Variants in LIMS1 observed in about 807,000 individuals in gnomAD.
LIMS1 encodes the protein LIM and senescent cell antigen-like-containing domain protein 1.
Under a neutral mutation model 44.1 loss-of-function variants are expected in LIMS1, and 18 were observed. The observed-to-expected ratio is 0.41, with a 90% CI of 0.28 to 0.61. LIMS1 has a LOEUF of 0.61. Among genes scored for constraint, LIMS1 ranks in the 20% least tolerant of loss-of-function variants. The pLI is 0.32. For synonymous variants in LIMS1, 93 were observed against 149.1 expected (o/e 0.62, Z 2.74); for missense variants, 201 against 422.0 (o/e 0.48, Z 4.59).
intron 1 of LIMS1, among the ~76,000 whole-genome samples, chr2:108,537,988 C>T (rs991798641): frequency 6.6e-6 from 1 of 152,156 alleles, no homozygotes; most frequent in African/African-American, 2.4e-5. Context: ...AAATAAACCT[C>T]AGTATAGGTC....
intron 1 of LIMS1, among the ~76,000 whole-genome samples, chr2:108,551,628 GTATATATA>G (rs911622618): frequency 7.1e-6 from 1 of 140,822 alleles, no homozygotes; most frequent in Non-Finnish European, 1.5e-5. Flanking sequence ...GTATATATGT[GTATATATA>G]TGTATATATG....
intron 3 of LIMS1, among the ~76,000 whole-genome samples, chr2:108,671,945 C>T (rs1692188128): frequency 6.6e-6 from 1 of 152,080 alleles, no homozygotes; most frequent in South Asian, 2.1e-4. Flanking sequence ...TTTGGGAGGC[C>T]AAGACGGGCG....
chr2:108,563,817 G>T (rs1685203024), intron 1 of LIMS1, among the ~76,000 whole-genome samples: 1 of 152,116 alleles, frequency 6.6e-6, no homozygotes, highest in Non-Finnish European at 1.5e-5. Flanking sequence ...CCAGCACTTT[G>T]GGAGGCCAAG....
At chr2:108,641,379 A>G (rs528237544) in intron 1 of LIMS1, among the ~76,000 whole-genome samples, 1 of 152,312 alleles carries the variant, frequency 6.6e-6, no homozygotes, top group East Asian at 1.9e-4. Flanking sequence ...CTTGAAGACA[A>G]TTAGATGCAA....
intron 1 of LIMS1, among the ~76,000 whole-genome samples, chr2:108,577,036 G>T (rs1472162993): frequency 6.6e-6 from 1 of 152,156 alleles, no homozygotes; most frequent in Non-Finnish European, 1.5e-5. Context: ...CCTTGAAAAT[G>T]GGTTTTAAAC....
chr2:108,554,471 A>T (rs1016762447), intron 1 of LIMS1, among the ~76,000 whole-genome samples: 1 of 152,178 alleles, frequency 6.6e-6, no homozygotes, highest in Admixed American at 6.5e-5. Context: ...TATCTTCCTT[A>T]TTCTTGGGGT....
At chr2:108,624,280 T>G (rs1688433274) in intron 1 of LIMS1, among the ~76,000 whole-genome samples, 1 of 152,260 alleles carries the variant, frequency 6.6e-6, no homozygotes, top group Non-Finnish European at 1.5e-5. Flanking sequence ...TTAAATTATG[T>G]TGCATTCAAA....
chr2:108,603,933 T>C (rs1687143733), intron 1 of LIMS1, among the ~76,000 whole-genome samples: 1 of 152,218 alleles, frequency 6.6e-6, no homozygotes, highest in Admixed American at 6.5e-5. Context: ...AGGTTATTTA[T>C]TTGAAGGGTT....
intron 1 of LIMS1, among the ~76,000 whole-genome samples, chr2:108,586,214 A>C (rs1686095800): frequency 6.6e-6 from 1 of 152,148 alleles, no homozygotes; most frequent in Non-Finnish European, 1.5e-5. Context: ...AAAACAAAAA[A>C]ACAAACAAAA....
At chr2:108,591,416 G>A (rs1260321915) in intron 1 of LIMS1, among the ~76,000 whole-genome samples, 1 of 152,026 alleles carries the variant, frequency 6.6e-6, no homozygotes, top group Non-Finnish European at 1.5e-5. Context: ...CAGTAGTTCC[G>A]CAAGTTCCCA....
At position 108,676,602 on chromosome 2, in the gene LIMS1, T is replaced by C; in HGVS notation, c.682-4T>C. The C allele has an allele frequency of 1.3e-6, 2 of 1,562,870 alleles. No individual in the cohort carries two copies. The highest frequency in any genetic ancestry group is 4.9e-5 in the East Asian group (2 of 40,830). ...AAAAATGACCTATAGCAATTTTTTT[T>C]CAGCATTTTGTTTGTGCCAAGTGTG... is the stretch of plus-strand genomic sequence containing the variant. On this transcript the variant is annotated splice_polypyrimidine_tract_variant and splice_region_variant and intron_variant, in intron 6 of 9. Transcript: ENST00000544547.
At chr2:108,665,916 G>A (rs1691724408) in intron 2 of LIMS1, among the ~76,000 whole-genome samples, 2 of 152,228 alleles carry the variant, frequency 1.3e-5, no homozygotes, top group Admixed American at 6.5e-5. Flanking sequence ...GGAGAGCAAA[G>A]CAAAGAACAT....
intron 1 of LIMS1, among the ~76,000 whole-genome samples, chr2:108,635,429 T>TAA (rs70956264): frequency 0.043 from 3,748 of 86,548 alleles, 246 homozygotes; most frequent in African/African-American, 0.13. Flanking sequence ...ACTTCATCTC[T>TAA]AAAAAAAAAA....
At chr2:108,561,729 C>T (rs1248832033) in intron 1 of LIMS1, among the ~76,000 whole-genome samples, 2 of 148,964 alleles carry the variant, frequency 1.3e-5, no homozygotes, top group East Asian at 4.1e-4. Flanking sequence ...TCTCTGTGAT[C>T]AGCAGTGTTT....
intron 1 of LIMS1, among the ~76,000 whole-genome samples, chr2:108,642,469 C>T (rs898738163): frequency 5.4e-5 from 8 of 149,518 alleles, no homozygotes; most frequent in African/African-American, 1.7e-4. Flanking sequence ...ACGCCATTCT[C>T]CTGCCTCAGC....
chr2:108,669,525 A>G (rs1003690393), intron 2 of LIMS1, among the ~76,000 whole-genome samples: 8 of 152,230 alleles, frequency 5.3e-5, no homozygotes, highest in African/African-American at 1.4e-4. Context: ...CACTAAATCT[A>G]TAGCCATAAT....
intron 8 of LIMS1, among the ~76,000 whole-genome samples, chr2:108,679,815 C>T (rs1480053720): frequency 1.3e-5 from 2 of 151,968 alleles, no homozygotes; most frequent in Admixed American, 6.6e-5. Context: ...CACAGGAGAA[C>T]GAGAGGAGAA....
rs75823000 is a variant in LIMS1, at chr2:108,569,765, T to C, written c.32+35171T>C. On this transcript the variant is annotated intron_variant, in intron 1 of 9. Coordinates refer to ENST00000544547, the Ensembl canonical transcript of LIMS1. ...ACAAACACTCACCGCCATATCTGGC[T>C]TTTTTTTTTTTTTTTTTTAGTGATG... 5.0e-3 allele frequency among the ~76,000 whole-genome samples: 255 copies of C among 50,934 alleles called. 2 individuals carry two copies. The highest frequency in any genetic ancestry group is 7.4e-3 in the Admixed American group (24 of 3,264). 33.4% of individuals were successfully genotyped at this position (50,934 alleles called of 152,430 possible). A position where few individuals can be genotyped will look rare whatever the true frequency, so the allele number is the denominator to read the frequency against.
At chr2:108,642,350 T>G (rs1261403207) in intron 1 of LIMS1, among the ~76,000 whole-genome samples, 37 of 9,382 alleles carry the variant, frequency 3.9e-3, no homozygotes, top group Non-Finnish European at 7.4e-3. Flanking sequence ...TTGTTTTTTT[T>G]TTTTTTTGTT....
Sources: allele counts gnomAD v4.1 joint callset (sites outside exome capture counted in the v4.1 genomes callset), GRCh38; gene constraint gnomAD v4.1.1; transcripts MANE v1.5; gene names NCBI Gene and HGNC (gene_info 2026-07-23, HGNC 2026-07-21).